The following PKP4 variants were observed in gnomAD, a reference collection of about 807,000 sequenced individuals.
PKP4 encodes the protein plakophilin-4.
PKP4 carries 90 observed loss-of-function variants against 145.1 expected under a neutral mutation model. That is an observed-to-expected ratio of 0.62 (90% CI 0.52 to 0.74). The LOEUF (loss-of-function observed/expected upper bound fraction) is 0.74. Ranked by LOEUF, PKP4 falls within the 30% of genes least tolerant of loss-of-function variation. The probability of loss-of-function intolerance (pLI) is 0.00; values close to 1 mark genes in which losing one functional copy is unlikely to be tolerated. For missense variants in PKP4, 1,340 were observed against 1,482.7 expected (o/e 0.90, Z 1.58); for synonymous variants, 563 against 577.2 (o/e 0.98, Z 0.35).
chr2:158,577,211 A>T, intron 2 of PKP4, 60 bp from the exon 3 acceptor site: 1 of 986,474 alleles, frequency 1.0e-6, no homozygotes, highest in Non-Finnish European at 1.6e-6. Flanking sequence ...ATTAATTCAT[A>T]TATCTGCCTG....
chr2:158,565,232 C>T (rs190356892), intron 2 of PKP4, among the ~76,000 whole-genome samples: 164 of 152,228 alleles, frequency 1.1e-3, no homozygotes, highest in Non-Finnish European at 1.7e-3. Flanking sequence ...TTTGTTATGA[C>T]TTAAAAGGAA....
At chr2:158,635,100 C>G (rs1385741571) in intron 9 of PKP4, among the ~76,000 whole-genome samples, 2 of 152,116 alleles carry the variant, frequency 1.3e-5, no homozygotes, top group Admixed American at 6.5e-5. Context: ...CACTCTTCGC[C>G]CACAAATAGT....
intron 2 of PKP4, among the ~76,000 whole-genome samples, chr2:158,535,673 G>A (rs2043975729): frequency 6.6e-6 from 1 of 152,102 alleles, no homozygotes; most frequent in South Asian, 2.1e-4. Context: ...TCCTGCCTCA[G>A]CCTCTCTAAA....
chr2:158,504,618 T>C (rs368973485), intron 1 of PKP4, among the ~76,000 whole-genome samples: 17 of 152,182 alleles, frequency 1.1e-4, no homozygotes, highest in African/African-American at 4.1e-4. Context: ...AAAAGTTCTT[T>C]GAGGGTTGAT....
intron 1 of PKP4, among the ~76,000 whole-genome samples, chr2:158,516,042 CTTT>C (rs10719242): frequency 5.5e-4 from 77 of 141,124 alleles, no homozygotes; most frequent in Middle Eastern, 3.7e-3. Context: ...GAGAATCCAT[CTTT>C]TTTTTTTTTT....
At chr2:158,631,082 C>G (rs1042453200) in intron 7 of PKP4, among the ~76,000 whole-genome samples, 1 of 152,022 alleles carries the variant, frequency 6.6e-6, no homozygotes, top group Non-Finnish European at 1.5e-5. Flanking sequence ...GGACTATAGG[C>G]TCCCGCCACC....
In PKP4 at chr2:158,550,880, CT is replaced by C. The variant is rs1453454679; in HGVS notation, c.132+17566del. Among the ~76,000 whole-genome samples, 3 of 152,272 alleles carry C rather than the reference CT, an allele frequency of 2.0e-5. No individual in the cohort carries two copies. The East Asian group carries it at 5.8e-4, about 29-fold the overall frequency. ...ATGTCTGGGAAACAAATGTGGTGCC[CT>C]TCCGGGAATTTACAACCTAGGCAAC... On this transcript the variant is annotated intron_variant, in intron 2 of 21. Transcript: ENST00000389759.
At chr2:158,626,019 T>C (rs796219351) in intron 7 of PKP4, among the ~76,000 whole-genome samples, 24 of 152,282 alleles carry the variant, frequency 1.6e-4, no homozygotes, top group African/African-American at 5.8e-4. Context: ...ACTTCAGGGT[T>C]TTTCGTGGAG....
At chr2:158,623,156 A>G (rs1433044946) in intron 6 of PKP4, among the ~76,000 whole-genome samples, 1 of 151,972 alleles carries the variant, frequency 6.6e-6, no homozygotes, top group Non-Finnish European at 1.5e-5. Context: ...TTACCACCCA[A>G]TCATGCTTTT....
chr2:158,658,202 A>C lies in PKP4; in HGVS notation c.1981A>C (p.Thr661Pro). The C allele has an allele frequency of 6.2e-7, 1 of 1,603,024 alleles. No individual in the cohort carries two copies. Among genetic ancestry groups the C allele is most frequent in the Non-Finnish European group, 8.5e-7 (1 of 1,170,402 alleles). Residue 661 changes from threonine (T) to proline (P), a missense_variant, in exon 12 of 22, where the codon ACA becomes CCA. Transcript: ENST00000389759. ...CATTCGAGATGCTCTCTCAACCTTA[A>C]CAAACACTGTGATTGTTCCACATTC... ...TIIRDALSTL[T>P]NTVIVPHSGW...
chr2:158,606,011 T>C (rs1036904775), intron 4 of PKP4, among the ~76,000 whole-genome samples: 8 of 152,242 alleles, frequency 5.3e-5, no homozygotes, highest in African/African-American at 1.9e-4. Context: ...TATTCATTCA[T>C]CAGTTGATGG....
chr2:158,487,578 A>G (rs1016769839), intron 1 of PKP4, among the ~76,000 whole-genome samples: 2 of 152,218 alleles, frequency 1.3e-5, no homozygotes, highest in African/African-American at 4.8e-5. Context: ...GGTTTGTTCA[A>G]GTAAAATGTT....
intron 2 of PKP4, among the ~76,000 whole-genome samples, chr2:158,549,426 G>A (rs1401473655): frequency 2.0e-5 from 3 of 151,608 alleles, no homozygotes; most frequent in African/African-American, 7.3e-5. Flanking sequence ...AGAGTTTTTG[G>A]GAAATCGTTT....
rs375967496 is a variant in PKP4 at position 158,608,874 on chromosome 2, C to T, written c.280+5770C>T. Among the ~76,000 whole-genome samples, 30 of 124,278 alleles carry T rather than the reference C, an allele frequency of 2.4e-4. 1 individual carries two copies. Among genetic ancestry groups the T allele is most frequent in the South Asian group, 1.3e-3 (5 of 4,000 alleles). The allele number at this position is 124,278 out of a possible 152,430, so 81.5% of individuals were successfully genotyped here. A position where few individuals can be genotyped will look rare whatever the true frequency, so the allele number is the denominator to read the frequency against. Reference sequence around the variant, plus strand: ...TGTTGCCATAGCCGAAGTTCGGTGGCGCCATTTTGGCTCACTGCAACAGCC... The same window carrying T: ...TGTTGCCATAGCCGAAGTTCGGTGGTGCCATTTTGGCTCACTGCAACAGCC... On this transcript the variant is annotated intron_variant, in intron 4 of 21. Coordinates refer to ENST00000389759, the MANE Select transcript of PKP4 (RefSeq NM_003628.6).
chr2:158,612,436 T>C (rs769464446), intron 4 of PKP4, among the ~76,000 whole-genome samples: 3 of 152,212 alleles, frequency 2.0e-5, no homozygotes, highest in Non-Finnish European at 2.9e-5. Context: ...TTTTGTACTT[T>C]GACAGACAAT....
chr2:158,584,088 C>T (rs530235433), intron 3 of PKP4, among the ~76,000 whole-genome samples: 8 of 152,294 alleles, frequency 5.3e-5, no homozygotes, highest in Admixed American at 2.0e-4. Context: ...GGGGTCCCAG[C>T]GCACGTCCAA....
intron 1 of PKP4, among the ~76,000 whole-genome samples, chr2:158,484,193 G>T (rs1015004574): frequency 5.9e-5 from 9 of 151,900 alleles, no homozygotes; most frequent in Non-Finnish European, 1.3e-4. Flanking sequence ...GACTACAGGC[G>T]CCCGCCACCG....
In PKP4 at chr2:158,669,702, C is replaced by T. The variant is rs202225791; in HGVS notation, c.2729-18C>T. 1 of 1,510,160 alleles carries T rather than the reference C, an allele frequency of 6.6e-7. No homozygotes were observed. The highest frequency in any genetic ancestry group is 2.3e-5 in the East Asian group (1 of 43,338). 93.5% of individuals were successfully genotyped at this position (1,510,160 alleles called of 1,614,324 possible). A position where few individuals can be genotyped will look rare whatever the true frequency, so the allele number is the denominator to read the frequency against. On this transcript the variant is annotated intron_variant, in intron 16 of 21. Coordinates refer to ENST00000389759, the MANE Select transcript of PKP4 (RefSeq NM_003628.6). ...TAGTACCTTCTGGAAGTAGAATTTA[C>T]TCTTTTGCCGTTGGCAGGCAAATAC...
At chr2:158,627,613 A>G (rs2052924579) in intron 7 of PKP4, among the ~76,000 whole-genome samples, 1 of 151,194 alleles carries the variant, frequency 6.6e-6, no homozygotes, top group South Asian at 2.1e-4. Flanking sequence ...GGACTTGGGT[A>G]TTTGATGATC....
Sources: gnomAD v4.1 joint callset for allele counts (sites outside exome capture counted in the v4.1 genomes callset) on GRCh38, gnomAD v4.1.1 for gene constraint, MANE v1.5 for transcripts, NCBI Gene and HGNC (gene_info 2026-07-23, HGNC 2026-07-21) for gene names.